The following CAMTA1 variants were observed in gnomAD, a reference collection of about 807,000 sequenced individuals.
CAMTA1 encodes the protein calmodulin binding transcription activator 1.
In CAMTA1, 27 loss-of-function variants were observed where a neutral mutation model predicts 170.9. That is an observed-to-expected ratio of 0.16 (90% CI 0.12 to 0.22). The LOEUF is 0.22. Ranked by LOEUF, CAMTA1 falls within the 10% of genes least tolerant of loss-of-function variation. The pLI, the probability that CAMTA1 is intolerant of heterozygous loss-of-function variation, is 1.00. For missense variants in CAMTA1, 1,619 were observed against 2,217.2 expected, an observed-to-expected ratio of 0.73 and a Z score of 5.42; for synonymous variants, 833 against 891.5, an observed-to-expected ratio of 0.93 and a Z score of 1.17.
Position 7,766,838 on chromosome 1 carries a change from T to C in CAMTA1, c.*347T>C. 3.8e-6 allele frequency: 1 copy of C among 263,130 alleles called. No homozygotes were observed. The highest frequency in any genetic ancestry group is 7.3e-6 in the Non-Finnish European group (1 of 136,102). 16.3% of individuals were successfully genotyped at this position (263,130 alleles called of 1,614,324 possible). A position where few individuals can be genotyped will look rare whatever the true frequency, so the allele number is the denominator to read the frequency against. On this transcript the variant is annotated 3_prime_UTR_variant, in exon 23 of 23. Transcript: ENST00000303635. ...GCCATTTCCTTCTCATATAGGGCTG[T>C]ATTCAAACATCGTGTGGAACTGTAC...
chr1:7,157,714 CAT>C (rs1272611530), intron 4 of CAMTA1, among the ~76,000 whole-genome samples: 1 of 152,180 alleles, frequency 6.6e-6, no homozygotes, highest in Non-Finnish European at 1.5e-5. Context: ...GAAATGAAAA[CAT>C]ATGTTCACAA....
At chr1:7,429,716 A>T (rs1014777163) in intron 5 of CAMTA1, among the ~76,000 whole-genome samples, 1 of 152,160 alleles carries the variant, frequency 6.6e-6, no homozygotes, top group Non-Finnish European at 1.5e-5. Flanking sequence ...CTGTAAAGAG[A>T]TACTTGAGAC....
In CAMTA1 at chr1:7,570,648, G is replaced by A. The variant is rs2095114073; in HGVS notation, c.511-69752G>A. The stretch of plus-strand genomic sequence containing the variant: ...TCATCCAGTTTGTTCTCTGAGCCTG[G>A]CACTGCCCTGTTCACCAAGGCCAAG... On this transcript the variant is annotated intron_variant, in intron 6 of 22. Coordinates refer to ENST00000303635, the MANE Select transcript of CAMTA1 (RefSeq NM_015215.4). The surrounding 1 kb of genome is among the most constrained non-coding windows in gnomAD (Gnocchi z 4.3). Among the ~76,000 whole-genome samples, 1 of 152,232 alleles carries A rather than the reference G, an allele frequency of 6.6e-6. No homozygotes were observed. The highest frequency in any genetic ancestry group is 2.4e-5 in the African/African-American group (1 of 41,470).
intron 3 of CAMTA1, among the ~76,000 whole-genome samples, chr1:7,040,150 GCTAA>G (rs1201582808): frequency 1.3e-5 from 2 of 149,988 alleles, no homozygotes; most frequent in Admixed American, 6.7e-5. Context: ...TTTTAGACAC[GCTAA>G]CTGTGATTTT....
At chr1:7,552,609 C>A (rs1034724007) in intron 6 of CAMTA1, among the ~76,000 whole-genome samples, 7 of 152,240 alleles carry the variant, frequency 4.6e-5, no homozygotes, top group Admixed American at 4.6e-4. Flanking sequence ...TGAGCCCTGT[C>A]CATCCCGGGT....
intron 5 of CAMTA1, among the ~76,000 whole-genome samples, chr1:7,410,888 G>T (rs2090663517): frequency 7.8e-6 from 1 of 128,374 alleles, no homozygotes; most frequent in African/African-American, 2.9e-5. Context: ...GTGCATGGAG[G>T]GTGGGCGTCT....
chr1:7,480,077 ATGTGTCCGTGTGTGTGCCTG>A (rs2093489331), intron 6 of CAMTA1, among the ~76,000 whole-genome samples: 1 of 149,962 alleles, frequency 6.7e-6, no homozygotes, highest in Non-Finnish European at 1.5e-5. Flanking sequence ...GTGTGAGTGC[ATGTGTCCGTGTGTGTGCCTG>A]TGTGTGAGAG....
intron 5 of CAMTA1, among the ~76,000 whole-genome samples, chr1:7,340,544 G>GCCTCCCTCCCTCTCTC (rs772743867): frequency 9.5e-6 from 1 of 105,426 alleles, no homozygotes; most frequent in East Asian, 3.1e-4. Flanking sequence ...CTGCCTGCCT[G>GCCTCCCTCCCTCTCTC]CCTGCCTGCC....
At chr1:7,120,603 T>A (rs2148453924) in intron 4 of CAMTA1, among the ~76,000 whole-genome samples, 1 of 152,306 alleles carries the variant, frequency 6.6e-6, no homozygotes, top group East Asian at 1.9e-4. Flanking sequence ...AAGCTCACAT[T>A]CTGCCCACAT....
intron 6 of CAMTA1, among the ~76,000 whole-genome samples, chr1:7,612,189 A>G (rs1558002094): frequency 6.6e-6 from 1 of 152,208 alleles, no homozygotes; most frequent in Admixed American, 6.5e-5. Context: ...GAATCAGGTC[A>G]CACGGACTTG....
intron 4 of CAMTA1, among the ~76,000 whole-genome samples, chr1:7,105,019 T>C (rs1305672376): frequency 6.6e-6 from 1 of 152,218 alleles, no homozygotes; most frequent in African/African-American, 2.4e-5. Context: ...CCCATCAGTG[T>C]GTGTCTGGGA....
intron 3 of CAMTA1, among the ~76,000 whole-genome samples, chr1:6,899,945 T>C (rs545194702): frequency 3.3e-5 from 5 of 152,362 alleles, no homozygotes; most frequent in Non-Finnish European, 7.4e-5. Flanking sequence ...GCCAACACTG[T>C]GCGTGTTTGT....
Position 7,461,929 on chromosome 1 carries a change from C to G in CAMTA1, c.439-5901C>G, listed in dbSNP as rs1271754749. On this transcript the variant is annotated intron_variant, in intron 5 of 22. Coordinates refer to ENST00000303635, the MANE Select transcript of CAMTA1 (RefSeq NM_015215.4). ...ATGCAGTCCATGATCTCCCATACGC[C>G]TGGGCCATGCTCCCCTTCCCTGCCC... 2.0e-5 allele frequency among the ~76,000 whole-genome samples: 3 copies of G among 152,368 alleles called. No homozygotes were observed. In the East Asian group the frequency reaches 5.8e-4, roughly 29 times the overall value.
chr1:7,153,185 C>CA (rs903487684), intron 4 of CAMTA1, among the ~76,000 whole-genome samples: 5 of 151,346 alleles, frequency 3.3e-5, no homozygotes, highest in African/African-American at 9.7e-5. Flanking sequence ...GTTTGGAATG[C>CA]AAAAAAAATT....
At position 6,948,275 on chromosome 1, in the gene CAMTA1, T is replaced by C. The variant is rs147699046; in HGVS notation, c.234+123065T>C. On this transcript the variant is annotated intron_variant, in intron 3 of 22. Coordinates refer to ENST00000303635, the MANE Select transcript of CAMTA1 (RefSeq NM_015215.4). ...CCCCAGCTGCCATCTTCATATATGG[T>C]AGGCATTTGGGGGAGGTACCAGCCA... 4.4e-3 allele frequency among the ~76,000 whole-genome samples: 669 copies of C among 152,252 alleles called. 5 individuals carry two copies. Among genetic ancestry groups the C allele is most frequent in the African/African-American group, 0.015 (612 of 41,546 alleles).
chr1:6,843,024 A>G (rs1463986458), intron 3 of CAMTA1, among the ~76,000 whole-genome samples: 1 of 152,200 alleles, frequency 6.6e-6, no homozygotes, highest in Non-Finnish European at 1.5e-5. Context: ...TAAAATGTAG[A>G]TCATTTGAAT....
chr1:7,072,284 T>G (rs77100583), intron 3 of CAMTA1, among the ~76,000 whole-genome samples: 2,099 of 152,326 alleles, frequency 0.014, 54 homozygotes, highest in African/African-American at 0.049. Context: ...CTTTTGAGGT[T>G]GTCAGGCAAC....
intron 3 of CAMTA1, among the ~76,000 whole-genome samples, chr1:6,941,882 G>GA (rs941828877): frequency 3.9e-5 from 6 of 152,316 alleles, no homozygotes; most frequent in African/African-American, 1.4e-4. Context: ...CATGACTGCG[G>GA]AAGGAGAGGT....
At chr1:6,874,001 G>T (rs1449899555) in intron 3 of CAMTA1, 4 of 152,214 alleles carry the variant, frequency 2.6e-5, no homozygotes, top group Non-Finnish European at 5.9e-5. Context: ...TGTAAAAACA[G>T]TGAAATTAGC....
Sources: allele counts gnomAD v4.1 joint callset (sites outside exome capture counted in the v4.1 genomes callset), GRCh38; gene constraint gnomAD v4.1.1; non-coding constraint Gnocchi (gnomAD v3.1); transcripts MANE v1.5; gene names NCBI Gene and HGNC (gene_info 2026-07-23, HGNC 2026-07-21).